Variants in SNX9 observed in about 807,000 individuals in gnomAD.
SNX9 encodes the protein sorting nexin 9, also known as sorting nexin-9.
A neutral mutation model predicts 89.4 loss-of-function variants in SNX9; 44 were observed. The ratio of observed to expected loss-of-function variants is 0.49; its 90% confidence interval spans 0.39 to 0.63. The LOEUF is 0.63. SNX9 is among the 30% of genes least tolerant of loss of function. The pLI, the probability that SNX9 is intolerant of heterozygous loss-of-function variation, is 0.00. For synonymous variants in SNX9, 236 were observed against 247.8 expected (o/e 0.95, Z 0.45); for missense variants, 578 against 736.1 (o/e 0.79, Z 2.49).
rs1783324123 is a variant in SNX9, at chr6:157,910,806, AG to A, written c.949+782del. 2.0e-5 allele frequency among the ~76,000 whole-genome samples: 3 copies of A among 152,192 alleles called. No homozygotes were observed. The East Asian group carries it at 5.8e-4, about 29-fold the overall frequency. On this transcript the variant is annotated intron_variant, in intron 9 of 17. Transcript: ENST00000392185. ...TAGGGTAGACTCTGCTACTCTATGT[AG>A]TCACTGAGGGACTCAGCATGTGTGT...
At chr6:157,850,385 A>C (rs761326268) in intron 1 of SNX9, among the ~76,000 whole-genome samples, 6 of 152,152 alleles carry the variant, frequency 3.9e-5, no homozygotes, top group Non-Finnish European at 8.8e-5. Flanking sequence ...TATTCAAAGG[A>C]ATATGTGGGG....
chr6:157,915,689 G>A (rs956953811), intron 9 of SNX9, among the ~76,000 whole-genome samples: 1 of 143,352 alleles, frequency 7.0e-6, no homozygotes, highest in Non-Finnish European at 1.5e-5. Context: ...GCCAGGCGTG[G>A]TGGCACACAC....
intron 9 of SNX9, among the ~76,000 whole-genome samples, chr6:157,910,649 C>T (rs9458832): frequency 0.22 from 32,910 of 152,052 alleles, 3,639 homozygotes; most frequent in Non-Finnish European, 0.23. Flanking sequence ...CCCCCAGCCC[C>T]AAGAATCTTT....
In SNX9 at chr6:157,942,927, A is replaced by G. The variant is rs932686905; in HGVS notation, c.*89A>G. The G allele has an allele frequency of 4.3e-6, 6 of 1,393,658 alleles. No individual in the cohort carries two copies. In the African/African-American group the frequency reaches 8.8e-5, roughly 20 times the overall value. The allele number at this position is 1,393,658 out of a possible 1,614,324, so 86.3% of individuals were successfully genotyped here. A position where few individuals can be genotyped will look rare whatever the true frequency, so the allele number is the denominator to read the frequency against. On this transcript the variant is annotated 3_prime_UTR_variant, in exon 18 of 18. Coordinates refer to ENST00000392185, the MANE Select transcript of SNX9 (RefSeq NM_016224.5). ...AACTTTTTTTCCCCTATTATTCAGA[A>G]AAAAAAGGAAACAAAACCAAAAAGA...
chr6:157,908,906 G>A (rs1783275900), intron 7 of SNX9, among the ~76,000 whole-genome samples: 1 of 152,174 alleles, frequency 6.6e-6, no homozygotes, highest in African/African-American at 2.4e-5. Flanking sequence ...AAAGAATGGA[G>A]GCCTACCCTC....
rs1781281270 is a variant in SNX9 at position 157,823,598 on chromosome 6, C to T, written c.12+152C>T. 3 of 560,614 alleles carry T rather than the reference C, an allele frequency of 5.4e-6. No individual in the cohort carries two copies. The highest frequency in any genetic ancestry group is 7.4e-6 in the Non-Finnish European group (3 of 407,622). The allele number at this position is 560,614 out of a possible 1,614,324, so 34.7% of individuals were successfully genotyped here. ...GGAGTCCCCGGGCGGGTCCGCGGCC[C>T]AGCCAGTCCCTTCTGGGCATGGGTG... On this transcript the variant is annotated intron_variant, in intron 1 of 17. Transcript: ENST00000392185. This position sits in a 1 kb window ranked among gnomAD's most constrained non-coding sequence, Gnocchi z 4.6.
intron 11 of SNX9, 43 bp downstream of exon 11, chr6:157,927,257 C>A: frequency 1.4e-6 from 2 of 1,409,898 alleles, no homozygotes; most frequent in Non-Finnish European, 2.0e-6. Flanking sequence ...AATCCGCACC[C>A]TCCTCCTTTG....
intron 1 of SNX9, among the ~76,000 whole-genome samples, chr6:157,857,365 A>G (rs981173867): frequency 6.6e-6 from 1 of 152,142 alleles, no homozygotes; most frequent in Non-Finnish European, 1.5e-5. Context: ...TGAAACCTGG[A>G]GTCAACTATT....
At chr6:157,832,901 C>T (rs772317847) in intron 1 of SNX9, among the ~76,000 whole-genome samples, 1 of 152,192 alleles carries the variant, frequency 6.6e-6, no homozygotes, top group Non-Finnish European at 1.5e-5. Context: ...AAACCTTACT[C>T]TATCACTTCA....
chr6:157,888,501 T>G (rs914050327), intron 4 of SNX9, among the ~76,000 whole-genome samples: 1 of 152,228 alleles, frequency 6.6e-6, no homozygotes, highest in Non-Finnish European at 1.5e-5. Flanking sequence ...GCCATGAATG[T>G]GCTGGTTTTA....
intron 2 of SNX9, 35 bp downstream of exon 2, chr6:157,867,668 A>G (rs1345583708): frequency 6.8e-7 from 1 of 1,468,616 alleles, no homozygotes; most frequent in Non-Finnish European, 9.3e-7. Flanking sequence ...TGATTGTCCC[A>G]TGTGGACTTA....
Position 157,941,619 on chromosome 6 carries a change from G to A in SNX9, c.1740+645G>A, listed in dbSNP as rs138733315. Among the ~76,000 whole-genome samples the A allele has an allele frequency of 1.5e-4, 23 of 152,176 alleles. No individual in the cohort carries two copies. In the East Asian group the frequency reaches 1.9e-3, roughly 13 times the overall value. On this transcript the variant is annotated intron_variant, in intron 17 of 17. Transcript: ENST00000392185. ...AATGTAGAATCCAGCCTCCGCTGGC[G>A]GCCTTGCTGCCTACCCAGCTCCCCT...
At chr6:157,878,764 G>A (rs1040469814) in intron 4 of SNX9, among the ~76,000 whole-genome samples, 1 of 152,102 alleles carries the variant, frequency 6.6e-6, no homozygotes, top group Admixed American at 6.5e-5. Flanking sequence ...GGATATAATT[G>A]ATACATTTAA....
intron 1 of SNX9, among the ~76,000 whole-genome samples, chr6:157,845,600 T>A (rs1419300119): frequency 6.6e-6 from 1 of 152,262 alleles, no homozygotes; most frequent in Non-Finnish European, 1.5e-5. Context: ...ATGATTCAGA[T>A]GGTGGGGTCA....
At chr6:157,914,729 C>T (rs1471743081) in intron 9 of SNX9, among the ~76,000 whole-genome samples, 7 of 152,062 alleles carry the variant, frequency 4.6e-5, no homozygotes, top group South Asian at 2.1e-4. Context: ...CCACCCACTT[C>T]GGCCTCCCAA....
rs536717743 is a variant in SNX9 at position 157,944,205 on chromosome 6, T to A, written c.*1367T>A. 2.6e-5 allele frequency: 4 copies of A among 152,634 alleles called. No homozygotes were observed. Among genetic ancestry groups the A allele is most frequent in the African/African-American group, 9.6e-5 (4 of 41,582 alleles). 9.5% of individuals were successfully genotyped at this position (152,634 alleles called of 1,614,324 possible). ...TTCCCTCCCGCTGCTTTCATTTTTC[T>A]GACCTAATAATTACGGGAAATGGAA... On this transcript the variant is annotated 3_prime_UTR_variant, in exon 18 of 18. Transcript: ENST00000392185.
intron 10 of SNX9, among the ~76,000 whole-genome samples, chr6:157,926,802 A>G (rs1357493326): frequency 1.3e-5 from 2 of 151,494 alleles, no homozygotes; most frequent in Admixed American, 6.6e-5. Context: ...AAAAAAAAAA[A>G]AAGTATAGGG....
At chr6:157,913,543 T>C (rs1432958369) in intron 9 of SNX9, among the ~76,000 whole-genome samples, 1 of 152,176 alleles carries the variant, frequency 6.6e-6, no homozygotes, top group South Asian at 2.1e-4. Flanking sequence ...GTAAATTCAC[T>C]CTTTTTGGTG....
chr6:157,874,844 A>C, intron 3 of SNX9: 18 of 435,202 alleles, frequency 4.1e-5, no homozygotes, highest in Non-Finnish European at 4.8e-5. Context: ...CAAAGAAGAA[A>C]TCTCGAGAAA....
Sources: allele counts gnomAD v4.1 joint callset (sites outside exome capture counted in the v4.1 genomes callset), GRCh38; gene constraint gnomAD v4.1.1; non-coding constraint Gnocchi (gnomAD v3.1); transcripts MANE v1.5; gene names NCBI Gene and HGNC (gene_info 2026-07-23, HGNC 2026-07-21).